IQGAP2: variants seen among roughly 807,000 people sequenced by gnomAD.
IQGAP2 encodes IQ motif containing GTPase activating protein 2, also known as ras GTPase-activating-like protein IQGAP2.
In IQGAP2, 173 loss-of-function variants were observed where a neutral mutation model predicts 201.3. The ratio of observed to expected loss-of-function variants is 0.86; its 90% CI spans 0.76 to 0.98. The LOEUF (loss-of-function observed/expected upper bound fraction) is 0.98. Ranked by LOEUF, IQGAP2 falls within the 50% of genes least tolerant of loss-of-function variation. The probability of loss-of-function intolerance (pLI) is 0.00; values close to 1 mark genes in which losing one functional copy is unlikely to be tolerated. For missense variants in IQGAP2, 1,687 were observed against 1,864.8 expected (o/e 0.90, Z 1.76); for synonymous variants, 675 against 673.9 (o/e 1.00, Z -0.03).
At chr5:76,502,042 CGTG>C (rs1674700108) in intron 2 of IQGAP2, among the ~76,000 whole-genome samples, 3 of 152,148 alleles carry the variant, frequency 2.0e-5, no homozygotes, top group African/African-American at 7.2e-5. Flanking sequence ...CCCATGAAGA[CGTG>C]GCCCTGTAAA....
chr5:76,520,305 C>T (rs1758592750), intron 2 of IQGAP2, among the ~76,000 whole-genome samples: 1 of 152,126 alleles, frequency 6.6e-6, no homozygotes. Flanking sequence ...CATTGAATTG[C>T]CTTTATACCT....
chr5:76,499,672 G>A (rs1336128508), intron 2 of IQGAP2, among the ~76,000 whole-genome samples: 1 of 152,198 alleles, frequency 6.6e-6, no homozygotes, highest in Non-Finnish European at 1.5e-5. Flanking sequence ...AAAATGGTTA[G>A]TCGGCCTACT....
intron 12 of IQGAP2, among the ~76,000 whole-genome samples, chr5:76,610,050 T>C (rs199888412): frequency 4.7e-4 from 9 of 19,064 alleles, no homozygotes; most frequent in African/African-American, 1.8e-3. Context: ...TGTTCTCTCT[T>C]TCTCTCTCTC....
intron 1 of IQGAP2, among the ~76,000 whole-genome samples, chr5:76,439,575 C>G (rs184665506): frequency 6.6e-6 from 1 of 152,068 alleles, no homozygotes; most frequent in East Asian, 1.9e-4. Flanking sequence ...TGGATTGATC[C>G]TTTTGTTATT....
chr5:76,683,660 T>A (rs1412096198), intron 29 of IQGAP2, 116 bp from the exon 30 acceptor site: 2 of 917,506 alleles, frequency 2.2e-6, no homozygotes, highest in Non-Finnish European at 3.2e-6. Flanking sequence ...GTAAAGACCA[T>A]GATCTCCCAT....
chr5:76,651,066 C>G (rs1387434662), intron 17 of IQGAP2, among the ~76,000 whole-genome samples: 1 of 152,120 alleles, frequency 6.6e-6, no homozygotes, highest in Non-Finnish European at 1.5e-5. Flanking sequence ...TCCTCGAGCT[C>G]ACACTTCACC....
chr5:76,496,713 T>TTTCTTTCC (rs1756923488), intron 2 of IQGAP2, among the ~76,000 whole-genome samples: 2 of 17,524 alleles, frequency 1.1e-4, no homozygotes, highest in African/African-American at 4.7e-4. Flanking sequence ...TCTTTCTTTC[T>TTTCTTTCC]TTCTTTCTTT....
intron 9 of IQGAP2, among the ~76,000 whole-genome samples, chr5:76,595,285 T>C (rs535249979): frequency 6.7e-6 from 1 of 148,188 alleles, no homozygotes; most frequent in African/African-American, 2.5e-5. Flanking sequence ...GACAGGGTCT[T>C]ATTCTATTGC....
intron 2 of IQGAP2, among the ~76,000 whole-genome samples, chr5:76,499,702 C>G (rs560306346): frequency 1.3e-5 from 2 of 152,284 alleles, no homozygotes; most frequent in Non-Finnish European, 2.9e-5. Context: ...CTGGAGCAAG[C>G]TGCTTAACCT....
At chr5:76,666,244 A>G (rs143465740) in intron 22 of IQGAP2, among the ~76,000 whole-genome samples, 3 of 152,320 alleles carry the variant, frequency 2.0e-5, no homozygotes, top group South Asian at 4.1e-4. Context: ...CAGTACTTAG[A>G]ATTGTCTGTG....
chr5:76,578,463 C>T (rs1161076821), intron 5 of IQGAP2, among the ~76,000 whole-genome samples: 1 of 152,088 alleles, frequency 6.6e-6, no homozygotes, highest in Non-Finnish European at 1.5e-5. Context: ...CAGGCACGCA[C>T]TACTATGCCC....
chr5:76,611,211 A>C, intron 13 of IQGAP2, 28 bp downstream of exon 13: 4 of 1,566,350 alleles, frequency 2.6e-6, no homozygotes, highest in Middle Eastern at 1.7e-4. Context: ...TGTTTCTTTT[A>C]AATTTTACAG....
intron 19 of IQGAP2, 104 bp from the exon 20 acceptor site, chr5:76,654,830 T>G (rs1752783193): frequency 1.4e-6 from 1 of 705,762 alleles, no homozygotes; most frequent in South Asian, 1.8e-5. Context: ...CAGTTCTAAG[T>G]AGTGTCAGTT....
At chr5:76,562,978 G>A (rs917679417) in intron 3 of IQGAP2, among the ~76,000 whole-genome samples, 1 of 152,190 alleles carries the variant, frequency 6.6e-6, no homozygotes, top group African/African-American at 2.4e-5. Flanking sequence ...AGCAAGATAC[G>A]ACTAACCACT....
intron 23 of IQGAP2, among the ~76,000 whole-genome samples, chr5:76,671,420 A>C (rs557500148): frequency 6.6e-6 from 1 of 152,244 alleles, no homozygotes; most frequent in Admixed American, 6.5e-5. Context: ...ACCATGGCTC[A>C]GGACTGTATT....
At chr5:76,472,685 G>A (rs559513296) in intron 2 of IQGAP2, among the ~76,000 whole-genome samples, 5 of 152,292 alleles carry the variant, frequency 3.3e-5, no homozygotes, top group African/African-American at 9.6e-5. Flanking sequence ...TGTTGGACAG[G>A]TGCCAATCGG....
At chr5:76,572,213 ATTT>A (rs907882473) in intron 4 of IQGAP2, among the ~76,000 whole-genome samples, 2 of 132,790 alleles carry the variant, frequency 1.5e-5, no homozygotes, top group Admixed American at 7.6e-5. Flanking sequence ...ATGTACAGCT[ATTT>A]TTTTTTTTTT....
At chr5:76,521,698 A>G (rs769573272) in intron 2 of IQGAP2, among the ~76,000 whole-genome samples, 32 of 152,150 alleles carry the variant, frequency 2.1e-4, no homozygotes, top group Non-Finnish European at 4.4e-4. Flanking sequence ...AACACACGTC[A>G]CTGTAGCATT....
intron 5 of IQGAP2, among the ~76,000 whole-genome samples, chr5:76,578,629 A>C (rs1745628554): frequency 6.6e-6 from 1 of 152,080 alleles, no homozygotes; most frequent in Non-Finnish European, 1.5e-5. Context: ...TCTTTTTCTA[A>C]AGAAATGTTT....
Sources: allele counts gnomAD v4.1 joint callset (sites outside exome capture counted in the v4.1 genomes callset), GRCh38; gene constraint gnomAD v4.1.1; transcripts MANE v1.5; gene names NCBI Gene and HGNC (gene_info 2026-07-23, HGNC 2026-07-21).